RGS5: variants seen among roughly 807,000 people sequenced by gnomAD.
RGS5 encodes regulator of G protein signaling 5, also known as regulator of G-protein signalling 5.
In RGS5, 20 loss-of-function variants were observed where a neutral mutation model predicts 18.9. That is an observed-to-expected ratio of 1.06 (90% CI 0.74 to 1.54). The LOEUF (loss-of-function observed/expected upper bound fraction) is 1.54. Among genes scored for constraint, RGS5 ranks in the 40% most tolerant of loss-of-function variants. The pLI is 0.00. For missense variants in RGS5, 201 were observed against 211.8 expected, an observed-to-expected ratio of 0.95 and a Z score of 0.32; for synonymous variants, 57 against 76.2, an observed-to-expected ratio of 0.75 and a Z score of 1.31.
At chr1:163,273,840 G>A (rs867188348) in intron 2 of RGS5, among the ~76,000 whole-genome samples, 65 of 152,152 alleles carry the variant, frequency 4.3e-4, no homozygotes, top group African/African-American at 1.4e-3. Context: ...TTAATGTTTT[G>A]CTTGTTTAGT....
At chr1:163,197,059 T>C (rs1325369687) in intron 1 of RGS5, among the ~76,000 whole-genome samples, 1 of 152,166 alleles carries the variant, frequency 6.6e-6, no homozygotes, top group Non-Finnish European at 1.5e-5. Context: ...ATAAATCTCT[T>C]CCATCCTCAG....
At chr1:163,204,090 T>C (rs182053188), upstream of RGS5, among the ~76,000 whole-genome samples, 1 of 152,312 alleles carries the variant, frequency 6.6e-6, no homozygotes, top group Admixed American at 6.5e-5. Context: ...GATCAACCCC[T>C]GTTACTGGCT....
At chr1:163,184,910 C>T (rs1659005366) in intron 1 of RGS5, among the ~76,000 whole-genome samples, 1 of 152,112 alleles carries the variant, frequency 6.6e-6, no homozygotes, top group South Asian at 2.1e-4. Flanking sequence ...AAGCTTGTGG[C>T]AACTGTTATA....
In RGS5 at chr1:163,229,549, C is replaced by A. The variant is rs529787233; in HGVS notation, c.-280-61181G>T. Among the ~76,000 whole-genome samples the A allele has an allele frequency of 2.0e-5, 3 of 152,312 alleles. No individual in the cohort carries two copies. In the South Asian group the frequency reaches 6.2e-4, roughly 32 times the overall value. On this transcript the variant is annotated intron_variant, in intron 2 of 5. Transcript: ENST00000618415. The stretch of plus-strand genomic sequence containing the variant: ...ACATATGTTCCCTCCATCCCTAGGT[C>A]CAATGACTGCTACCTCTCTGACTCT...
chr1:163,248,379 C>A (rs1648001158), intron 2 of RGS5: 1 of 152,082 alleles, frequency 6.6e-6, no homozygotes, highest in South Asian at 2.1e-4. Context: ...GTTTTGATTG[C>A]CTTCAAGATG....
chr1:163,171,329 A>G (rs758011649), intron 1 of RGS5, among the ~76,000 whole-genome samples: 2 of 152,194 alleles, frequency 1.3e-5, no homozygotes, highest in Admixed American at 6.5e-5. Context: ...ACTAGGACAC[A>G]GTATCCCACC....
At chr1:163,178,172 G>A (rs1201420163) in intron 1 of RGS5, among the ~76,000 whole-genome samples, 6 of 152,078 alleles carry the variant, frequency 3.9e-5, no homozygotes, top group Non-Finnish European at 4.4e-5. Flanking sequence ...TTAGCCAGGC[G>A]TGGTGGTACG....
upstream of RGS5, among the ~76,000 whole-genome samples, chr1:163,204,060 A>G (rs1659872945): frequency 1.3e-5 from 2 of 151,998 alleles, no homozygotes; most frequent in African/African-American, 4.8e-5. Flanking sequence ...CTCTTTATAT[A>G]CCCTTTTTAG....
At chr1:163,217,782 G>T, upstream of RGS5, 1 of 724,286 alleles carries the variant, frequency 1.4e-6, no homozygotes. Flanking sequence ...CTTCTGATAT[G>T]TGGTTTATTA....
intron 1 of RGS5, among the ~76,000 whole-genome samples, chr1:163,175,985 T>C (rs957251857): frequency 7.9e-5 from 12 of 152,224 alleles, no homozygotes; most frequent in African/African-American, 2.9e-4. Flanking sequence ...TTTTAGGCTT[T>C]CACTCATATT....
chr1:163,142,454 T>C lies in RGS5; in HGVS notation c.*4888A>G, dbSNP rs549521187. 1 of 152,270 alleles carries C rather than the reference T, an allele frequency of 6.6e-6. No individual in the cohort carries two copies. The highest frequency in any genetic ancestry group is 2.4e-5 in the African/African-American group (1 of 41,570). The allele number at this position is 152,270 out of a possible 1,614,324, so 9.4% of individuals were successfully genotyped here. A position where few individuals can be genotyped will look rare whatever the true frequency, so the allele number is the denominator to read the frequency against. The stretch of plus-strand genomic sequence containing the variant: ...AACACAATTTTTCTTGAATTTAAAA[T>C]ATATGGGATAAATGCTTACAAATGG... On this transcript the variant is annotated 3_prime_UTR_variant, in exon 5 of 5. Coordinates refer to ENST00000313961, the MANE Select transcript of RGS5 (RefSeq NM_003617.4).
chr1:163,272,585 A>G (rs1011478018), intron 2 of RGS5, among the ~76,000 whole-genome samples: 2 of 152,144 alleles, frequency 1.3e-5, no homozygotes, highest in Non-Finnish European at 2.9e-5. Flanking sequence ...ATTTTTGAAT[A>G]GAACATAAGG....
chr1:163,173,730 T>C (rs1190742254), intron 1 of RGS5, among the ~76,000 whole-genome samples: 1 of 152,150 alleles, frequency 6.6e-6, no homozygotes, highest in Non-Finnish European at 1.5e-5. Context: ...ATATGTAAAC[T>C]GTATAGCAGA....
intron 2 of RGS5, among the ~76,000 whole-genome samples, chr1:163,287,598 A>C (rs930525127): frequency 6.6e-6 from 1 of 152,208 alleles, no homozygotes; most frequent in African/African-American, 2.4e-5. Flanking sequence ...AGTTTCTGAG[A>C]TAAACTTATT....
At chr1:163,175,184 G>A (rs568633667) in intron 1 of RGS5, among the ~76,000 whole-genome samples, 3 of 152,198 alleles carry the variant, frequency 2.0e-5, no homozygotes, top group East Asian at 3.9e-4. Context: ...GTCCACAGCC[G>A]AGAGTAAGAC....
intron 2 of RGS5, among the ~76,000 whole-genome samples, chr1:163,273,939 G>A (rs909692767): frequency 2.6e-5 from 4 of 152,098 alleles, no homozygotes. Flanking sequence ...TTATAGTTAA[G>A]CCTGGCTTAC....
chr1:163,283,773 A>T (rs931534422), intron 2 of RGS5, among the ~76,000 whole-genome samples: 4 of 152,148 alleles, frequency 2.6e-5, no homozygotes, highest in Non-Finnish European at 4.4e-5. Flanking sequence ...AGCCTTTAGG[A>T]GCTGAGGGCA....
chr1:163,321,201 G>T (rs1233555990), intron 1 of RGS5: 3 of 152,258 alleles, frequency 2.0e-5, no homozygotes, highest in Non-Finnish European at 4.4e-5. Flanking sequence ...GAGGTGAAAA[G>T]CACTGATCGA....
chr1:163,269,428 G>T lies in RGS5; in HGVS notation c.-281+36805C>A, dbSNP rs535318510. Among the ~76,000 whole-genome samples, 15 of 152,162 alleles carry T rather than the reference G, an allele frequency of 9.9e-5. No homozygotes were observed. The East Asian group carries it at 2.9e-3, about 29-fold the overall frequency. Reference sequence around the variant, plus strand: ...CTCTCCAACATAGCAGGGCCAGAGGGGTTTAAGAGAAAAGACACTACAGGA... The same window carrying T: ...CTCTCCAACATAGCAGGGCCAGAGGTGTTTAAGAGAAAAGACACTACAGGA... On this transcript the variant is annotated intron_variant, in intron 2 of 5. Coordinates refer to the RGS5 transcript ENST00000618415.
Sources: allele counts gnomAD v4.1 joint callset (sites outside exome capture counted in the v4.1 genomes callset), GRCh38; gene constraint gnomAD v4.1.1; transcripts MANE v1.5; gene names NCBI Gene and HGNC (gene_info 2026-07-23, HGNC 2026-07-21).